The following PSMA3 variants were observed in gnomAD, a reference collection of about 807,000 sequenced individuals.
PSMA3 encodes proteasome 20S subunit alpha 3.
Under a neutral mutation model 40.0 loss-of-function variants are expected in PSMA3, and 8 were observed. The ratio of observed to expected loss-of-function variants is 0.20; its 90% CI spans 0.12 to 0.36. PSMA3 has a LOEUF of 0.36. Ranked by LOEUF, PSMA3 falls within the 10% of genes least tolerant of loss-of-function variation. PSMA3 has a pLI of 1.00. For synonymous variants in PSMA3, 110 were observed against 100.0 expected (o/e 1.10, Z -0.59); for missense variants, 219 against 310.6 (o/e 0.70, Z 2.22).
At chr14:58,244,962 T>G (rs1345261587) in intron 1 of PSMA3, 21 bp downstream of exon 1, 2 of 1,613,932 alleles carry the variant, frequency 1.2e-6, no homozygotes, top group Non-Finnish European at 1.7e-6. Context: ...TGTCTGTCGG[T>G]GTAATAGTTT....
chr14:58,245,093 T>A (rs1258490268), intron 1 of PSMA3, 152 bp downstream of exon 1: 4 of 943,870 alleles, frequency 4.2e-6, no homozygotes, highest in Non-Finnish European at 6.8e-6. Context: ...ACCGGTCGTC[T>A]TTATCCCCTA....
chr14:58,255,783 T>C (rs1384771018), intron 3 of PSMA3, among the ~76,000 whole-genome samples: 5 of 152,296 alleles, frequency 3.3e-5, no homozygotes, highest in Non-Finnish European at 2.9e-5. Context: ...AAAAAAGATA[T>C]GCCACACTAA....
chr14:58,267,745 ACTC>A (rs1274880328), intron 8 of PSMA3: 6 of 784,182 alleles, frequency 7.7e-6, no homozygotes, highest in Non-Finnish European at 9.9e-6. Context: ...GACAAAATAA[ACTC>A]CTGTTACAGG....
At chr14:58,261,141 C>CTTTTT in intron 6 of PSMA3, 121 bp downstream of exon 6, 1 of 496,908 alleles carries the variant, frequency 2.0e-6, no homozygotes, top group Non-Finnish European at 3.3e-6. Flanking sequence ...AGTAATTTTT[C>CTTTTT]TTTTTTTTTT....
chr14:58,264,496 T>C (rs1434624267), intron 7 of PSMA3, among the ~76,000 whole-genome samples: 1 of 152,336 alleles, frequency 6.6e-6, no homozygotes, highest in East Asian at 1.9e-4. Flanking sequence ...TTCAATATTA[T>C]TGATTACCTG....
chr14:58,245,832 C>T (rs1410234933), intron 1 of PSMA3, among the ~76,000 whole-genome samples: 1 of 152,214 alleles, frequency 6.6e-6, no homozygotes, highest in Non-Finnish European at 1.5e-5. Flanking sequence ...GCCTTAAGTT[C>T]AAGTACCGGT....
At chr14:58,263,083 A>G (rs1890329737) in intron 6 of PSMA3, among the ~76,000 whole-genome samples, 1 of 151,216 alleles carries the variant, frequency 6.6e-6, no homozygotes. Flanking sequence ...CCCAGATTCA[A>G]GCGATTCTCC....
chr14:58,266,432 T>TTGATCCTGTCATGTC (rs1376234144), intron 7 of PSMA3: 1 of 152,236 alleles, frequency 6.6e-6, no homozygotes, highest in Non-Finnish European at 1.5e-5. Context: ...AAACATTGTT[T>TTGATCCTGTCATGTC]TGATCCTGTC....
rs1379693298 is a variant in PSMA3 at position 58,258,242 on chromosome 14, AG to A, written c.404+245del. The stretch of plus-strand genomic sequence containing the variant: ...CCCTCGCGCCCAGGAGTATGAGACC[AG>A]CCTGGCCAACGCAGTGAGAACCTAT... On this transcript the variant is annotated intron_variant, in intron 5 of 10. Coordinates refer to ENST00000216455, the MANE Select transcript of PSMA3 (RefSeq NM_002788.4). 6 of 416,696 alleles carry A rather than the reference AG, an allele frequency of 1.4e-5. No homozygotes were observed. In the East Asian group the frequency reaches 2.1e-4, roughly 15 times the overall value. The allele number at this position is 416,696 out of a possible 1,614,324, so 25.8% of individuals were successfully genotyped here. A position where few individuals can be genotyped will look rare whatever the true frequency, so the allele number is the denominator to read the frequency against.
intron 8 of PSMA3, 22 bp downstream of exon 8, chr14:58,267,542 C>A: frequency 6.4e-7 from 1 of 1,559,340 alleles, no homozygotes; most frequent in Non-Finnish European, 8.6e-7. Flanking sequence ...TTTTTCTTAC[C>A]ATCCACAAAA....
chr14:58,259,314 G>GTTTGT (rs994934705), intron 5 of PSMA3, among the ~76,000 whole-genome samples: 1 of 150,800 alleles, frequency 6.6e-6, no homozygotes, highest in African/African-American at 2.4e-5. Context: ...CTTTTTTTTT[G>GTTTGT]TTTGTTTTGT....
At chr14:58,258,761 GAC>G (rs1890205076) in intron 5 of PSMA3, among the ~76,000 whole-genome samples, 1 of 152,022 alleles carries the variant, frequency 6.6e-6, no homozygotes, top group Non-Finnish European at 1.5e-5. Context: ...AAAATGAAAA[GAC>G]ATGTTTGGCT....
rs1357819364 is a variant in PSMA3 at position 58,247,559 on chromosome 14, C to A, written c.22-191C>A. 3.3e-5 allele frequency among the ~76,000 whole-genome samples: 5 copies of A among 152,196 alleles called. No homozygotes were observed. The South Asian group carries it at 1.0e-3, about 31-fold the overall frequency. On this transcript the variant is annotated intron_variant, in intron 1 of 10. Coordinates refer to ENST00000216455, the MANE Select transcript of PSMA3 (RefSeq NM_002788.4). ...ACCTGTATCCATTACTCTTCAATAG[C>A]TGAAATCGAAGGTATATAGCTTTAT...
intron 3 of PSMA3, among the ~76,000 whole-genome samples, chr14:58,253,269 G>A (rs1302984503): frequency 2.0e-5 from 3 of 152,154 alleles, no homozygotes; most frequent in Non-Finnish European, 2.9e-5. Context: ...GATTATAGGC[G>A]TGAGCCACTG....
At chr14:58,251,652 G>T (rs1318738813) in intron 2 of PSMA3, among the ~76,000 whole-genome samples, 2 of 152,188 alleles carry the variant, frequency 1.3e-5, no homozygotes, top group African/African-American at 4.8e-5. Flanking sequence ...GAAGCAATAT[G>T]TTTATTATGG....
chr14:58,271,306 T>C (rs1441462558), intron 10 of PSMA3, among the ~76,000 whole-genome samples: 1 of 150,786 alleles, frequency 6.6e-6, no homozygotes, highest in East Asian at 1.9e-4. Context: ...TTTAGGACTT[T>C]TAATACTTTA....
intron 7 of PSMA3, chr14:58,264,728 C>T (rs973076977): frequency 6.6e-6 from 1 of 152,128 alleles, no homozygotes; most frequent in African/African-American, 2.4e-5. Context: ...TAATTTGTTT[C>T]GTATTTTAGT....
At chr14:58,260,544 T>G (rs982743955) in intron 5 of PSMA3, among the ~76,000 whole-genome samples, 4 of 152,214 alleles carry the variant, frequency 2.6e-5, no homozygotes, top group Non-Finnish European at 4.4e-5. Flanking sequence ...ATTGGCAGGA[T>G]ATTGGGAAAT....
chr14:58,270,222 A>G (rs554885820), intron 8 of PSMA3, 196 bp from the exon 9 acceptor site: 440 of 728,208 alleles, frequency 6.0e-4, no homozygotes, highest in Non-Finnish European at 7.6e-4. Context: ...TTGTCGGGAG[A>G]GTAGATGTTT....
Sources: allele counts gnomAD v4.1 joint callset (sites outside exome capture counted in the v4.1 genomes callset), GRCh38; gene constraint gnomAD v4.1.1; transcripts MANE v1.5; gene names NCBI Gene and HGNC (gene_info 2026-07-23, HGNC 2026-07-21).